Variants in AKT3 observed in about 807,000 individuals in gnomAD.
The protein encoded by AKT3 is RAC-gamma serine/threonine-protein kinase.
A neutral mutation model predicts 65.3 loss-of-function variants in AKT3; 15 were observed. That is an observed-to-expected ratio of 0.23 (90% CI 0.15 to 0.35). AKT3 has a LOEUF of 0.35. Among genes scored for constraint, AKT3 ranks in the 10% least tolerant of loss-of-function variants. The probability of loss-of-function intolerance (pLI) is 1.00; values close to 1 mark genes in which losing one functional copy is unlikely to be tolerated. For synonymous variants in AKT3, 206 were observed against 183.8 expected (o/e 1.12, Z -0.98); for missense variants, 243 against 576.5 (o/e 0.42, Z 5.92).
Position 243,788,435 on chromosome 1 carries a change from T to TG in AKT3, c.46+54689dup, listed in dbSNP as rs563108101. On this transcript the variant is annotated intron_variant, in intron 2 of 13. Coordinates refer to ENST00000673466, the MANE Select transcript of AKT3 (RefSeq NM_005465.7). ...GAGTGCAGCTATCCCTGGGTATTCG[T>TG]GGGGGGGACTGATTCCGGGACCCAC... 2.9e-3 allele frequency among the ~76,000 whole-genome samples: 438 copies of TG among 152,190 alleles called. 2 individuals carry two copies. The highest frequency in any genetic ancestry group is 9.5e-3 in the African/African-American group (395 of 41,534).
chr1:243,583,795 A>C (rs1489655100), intron 8 of AKT3, among the ~76,000 whole-genome samples: 1 of 152,116 alleles, frequency 6.6e-6, no homozygotes, highest in East Asian at 1.9e-4. Context: ...ACAACACACC[A>C]AAATTCCAGG....
chr1:243,615,833 G>C (rs1409200239), intron 6 of AKT3, among the ~76,000 whole-genome samples: 1 of 152,024 alleles, frequency 6.6e-6, no homozygotes, highest in African/African-American at 2.4e-5. Context: ...CTGGACTCAA[G>C]CATTACTCCT....
rs1695599988 is a variant in AKT3 at position 243,848,226 on chromosome 1, C to T, written c.-113+1814G>A. On this transcript the variant is annotated intron_variant, in intron 1 of 13. Transcript: ENST00000673466. ...AAACAAAAAGATCTTCAAGTACCAT[C>T]TCCCTGTAAACTTTCAAGTACTATC... Among the ~76,000 whole-genome samples, 3 of 152,264 alleles carry T rather than the reference C, an allele frequency of 2.0e-5. No individual in the cohort carries two copies. The South Asian group carries it at 6.2e-4, about 32-fold the overall frequency.
chr1:243,614,281 AC>A (rs1263469312), intron 7 of AKT3, among the ~76,000 whole-genome samples: 1 of 152,194 alleles, frequency 6.6e-6, no homozygotes, highest in Non-Finnish European at 1.5e-5. Flanking sequence ...GACAATAAAC[AC>A]ACCAAAAAAG....
chr1:243,779,558 A>G (rs1477484747), intron 2 of AKT3, among the ~76,000 whole-genome samples: 6 of 152,146 alleles, frequency 3.9e-5, no homozygotes, highest in African/African-American at 9.6e-5. Flanking sequence ...AGAAATATTT[A>G]ATAAGATAAA....
chr1:243,790,763 TA>T (rs1175457259), intron 2 of AKT3, among the ~76,000 whole-genome samples: 1 of 152,212 alleles, frequency 6.6e-6, no homozygotes, highest in Non-Finnish European at 1.5e-5. Context: ...CTTGAACATG[TA>T]GAGGCCATTT....
chr1:243,533,085 A>T (rs929329600), intron 12 of AKT3, among the ~76,000 whole-genome samples: 1 of 152,096 alleles, frequency 6.6e-6, no homozygotes, highest in East Asian at 1.9e-4. Context: ...CTGATTTTTC[A>T]AATAACCAAC....
chr1:243,621,045 C>T (rs911684397), intron 6 of AKT3, among the ~76,000 whole-genome samples: 7 of 152,138 alleles, frequency 4.6e-5, no homozygotes, highest in African/African-American at 1.4e-4. Context: ...TTTCATCCAT[C>T]GCTACTTAGG....
chr1:243,505,537 A>C (rs760852629), intron 13 of AKT3, among the ~76,000 whole-genome samples: 45 of 152,252 alleles, frequency 3.0e-4, no homozygotes, highest in Admixed American at 6.5e-5. Flanking sequence ...TGAAGAAATA[A>C]TACTATAGAA....
chr1:243,625,254 C>A (rs1679076714), intron 6 of AKT3, among the ~76,000 whole-genome samples: 1 of 150,608 alleles, frequency 6.6e-6, no homozygotes, highest in Admixed American at 6.7e-5. Flanking sequence ...GCCTCAGCCC[C>A]TCAAGTAGCT....
intron 2 of AKT3, among the ~76,000 whole-genome samples, chr1:243,799,330 A>T (rs1459087445): frequency 6.6e-6 from 1 of 152,214 alleles, no homozygotes; most frequent in Non-Finnish European, 1.5e-5. Context: ...CTGAATACAT[A>T]TATACTACCT....
chr1:243,820,147 CTGATCTCA>C (rs1247625126), intron 2 of AKT3, among the ~76,000 whole-genome samples: 1 of 152,096 alleles, frequency 6.6e-6, no homozygotes, highest in African/African-American at 2.4e-5. Flanking sequence ...TCTCGATCTC[CTGATCTCA>C]TGATCCACCT....
intron 5 of AKT3, among the ~76,000 whole-genome samples, chr1:243,642,511 G>GT (rs1261904168): frequency 6.6e-6 from 1 of 151,786 alleles, no homozygotes. Context: ...GGGTTTCACC[G>GT]TGTTAGCCAG....
At chr1:243,681,977 T>C (rs898646985) in intron 3 of AKT3, among the ~76,000 whole-genome samples, 5 of 152,142 alleles carry the variant, frequency 3.3e-5, no homozygotes, top group Non-Finnish European at 5.9e-5. Context: ...GATGTATTAA[T>C]TATAAAATGA....
At position 243,535,325 on chromosome 1, in the gene AKT3, T is replaced by A. The variant is rs190133781; in HGVS notation, c.1251+10185A>T. Among the ~76,000 whole-genome samples, 512 of 151,814 alleles carry A rather than the reference T, an allele frequency of 3.4e-3. 1 individual carries two copies. Among genetic ancestry groups the A allele is most frequent in the Non-Finnish European group, 5.2e-3 (353 of 67,954 alleles). On this transcript the variant is annotated intron_variant, in intron 12 of 13. Transcript: ENST00000673466. ...TTTAGTGTACCCATCACCCAAATAG[T>A]GTACGTTGTACCCAACAGGTGACTT...
At chr1:243,709,954 G>GCTAC (rs1686043137) in intron 2 of AKT3, among the ~76,000 whole-genome samples, 2 of 152,114 alleles carry the variant, frequency 1.3e-5, no homozygotes, top group East Asian at 3.9e-4. Context: ...TCTAAAAAGT[G>GCTAC]CTACCACGTT....
chr1:243,750,938 GA>G (rs962741262), intron 2 of AKT3, among the ~76,000 whole-genome samples: 25 of 151,682 alleles, frequency 1.6e-4, no homozygotes, highest in South Asian at 2.1e-4. Flanking sequence ...TTTTTTAAAA[GA>G]AAAAAAACTG....
intron 2 of AKT3, among the ~76,000 whole-genome samples, chr1:243,804,161 C>G (rs1231956347): frequency 1.3e-5 from 2 of 152,146 alleles, no homozygotes; most frequent in African/African-American, 4.8e-5. Flanking sequence ...TGCTTGACTG[C>G]TTGAGTTGGA....
At chr1:243,586,564 G>A (rs896447103) in intron 8 of AKT3, among the ~76,000 whole-genome samples, 8 of 152,026 alleles carry the variant, frequency 5.3e-5, no homozygotes, top group Middle Eastern at 3.2e-3. Context: ...AACAAAATCC[G>A]GTCCTTTGCA....
Sources: allele counts gnomAD v4.1 joint callset (sites outside exome capture counted in the v4.1 genomes callset), GRCh38; gene constraint gnomAD v4.1.1; transcripts MANE v1.5; gene names NCBI Gene and HGNC (gene_info 2026-07-23, HGNC 2026-07-21).